The following ACSS3 variants were observed in gnomAD, a reference collection of about 807,000 sequenced individuals.
The protein encoded by ACSS3 is acyl-CoA synthetase short chain family member 3, also known as acyl-CoA synthetase short-chain family member 3, mitochondrial.
In ACSS3, 64 loss-of-function variants were observed where a neutral mutation model predicts 84.2. That is an observed-to-expected ratio of 0.76 (90% CI 0.62 to 0.94). The LOEUF is 0.94. Ranked by LOEUF, ACSS3 falls within the 40% of genes least tolerant of loss-of-function variation. The pLI is 0.00. For missense variants in ACSS3, 815 were observed against 867.6 expected (o/e 0.94, Z 0.76); for synonymous variants, 317 against 310.1 (o/e 1.02, Z -0.23).
intron 7 of ACSS3, among the ~76,000 whole-genome samples, chr12:81,153,325 T>G (rs1886705738): frequency 6.6e-6 from 1 of 151,600 alleles, no homozygotes; most frequent in Admixed American, 6.6e-5. Flanking sequence ...GGAGAATCAC[T>G]TGAACCTGGG....
rs186476087 is a variant in ACSS3, at chr12:81,186,896, A to G, written c.1250+11957A>G. Among the ~76,000 whole-genome samples the G allele has an allele frequency of 3.6e-3, 541 of 152,028 alleles. 2 individuals carry two copies. Among genetic ancestry groups the G allele is most frequent in the African/African-American group, 0.012 (507 of 41,550 alleles). ...GAAATGAAGTCACCACCTCATGAACATATTTGCATTCCCATGTTCATTGTG... is the reference window on the plus strand; with the variant it reads ...GAAATGAAGTCACCACCTCATGAACGTATTTGCATTCCCATGTTCATTGTG... On this transcript the variant is annotated intron_variant, in intron 8 of 15. Transcript: ENST00000548058.
chr12:81,134,392 A>C (rs1409545663), intron 2 of ACSS3, among the ~76,000 whole-genome samples: 1 of 152,138 alleles, frequency 6.6e-6, no homozygotes, highest in Non-Finnish European at 1.5e-5. Context: ...CCCAACATCT[A>C]TCTAAATTTG....
intron 9 of ACSS3, among the ~76,000 whole-genome samples, chr12:81,206,512 T>A (rs2032354185): frequency 6.6e-6 from 1 of 152,112 alleles, no homozygotes; most frequent in Non-Finnish European, 1.5e-5. Flanking sequence ...GAAAAGATAT[T>A]TTTTGGTAAA....
intron 9 of ACSS3, among the ~76,000 whole-genome samples, chr12:81,213,732 G>A (rs974169545): frequency 1.1e-5 from 1 of 91,480 alleles, no homozygotes; most frequent in Non-Finnish European, 2.2e-5. Context: ...GCTCCCCTCC[G>A]CTCCCCTCCG....
chr12:81,252,628 G>A (rs1457196079), intron 13 of ACSS3, among the ~76,000 whole-genome samples: 1 of 151,876 alleles, frequency 6.6e-6, no homozygotes, highest in Non-Finnish European at 1.5e-5. Flanking sequence ...TTAACCCTAA[G>A]CGTCTGTATT....
chr12:81,186,878 A>G (rs2031292698), intron 8 of ACSS3, among the ~76,000 whole-genome samples: 1 of 151,894 alleles, frequency 6.6e-6, no homozygotes, highest in Admixed American at 6.6e-5. Context: ...AAGGAAATGA[A>G]GTCACCACCT....
chr12:81,254,835 C>T (rs771147252), intron 15 of ACSS3, 22 bp from the exon 16 acceptor site: 5 of 1,588,448 alleles, frequency 3.1e-6, no homozygotes, highest in Admixed American at 3.5e-5. Context: ...GAGTATTCAC[C>T]TGACCCTAAT....
chr12:81,227,454 A>G (rs1296717683), intron 11 of ACSS3, among the ~76,000 whole-genome samples: 1 of 151,670 alleles, frequency 6.6e-6, no homozygotes, highest in Non-Finnish European at 1.5e-5. Context: ...GACCATTTAT[A>G]CTTGTGCACT....
intron 1 of ACSS3, among the ~76,000 whole-genome samples, chr12:81,079,929 C>G (rs527439046): frequency 7.9e-5 from 12 of 152,164 alleles, no homozygotes; most frequent in Admixed American, 2.0e-4. Context: ...GAATAGCTCT[C>G]TTTGTATTCT....
At chr12:81,202,249 A>G (rs1408082102) in intron 9 of ACSS3, among the ~76,000 whole-genome samples, 1 of 152,098 alleles carries the variant, frequency 6.6e-6, no homozygotes, top group Non-Finnish European at 1.5e-5. Flanking sequence ...ACTGCACTCC[A>G]GCCTGGGTGA....
intron 1 of ACSS3, among the ~76,000 whole-genome samples, chr12:81,089,701 A>C (rs1321240156): frequency 3.3e-5 from 5 of 151,986 alleles, no homozygotes; most frequent in African/African-American, 1.2e-4. Flanking sequence ...CAATAATGAT[A>C]ATGGTGATAG....
At chr12:81,129,826 C>T (rs1011264888) in intron 2 of ACSS3, among the ~76,000 whole-genome samples, 4 of 135,566 alleles carry the variant, frequency 3.0e-5, no homozygotes, top group Non-Finnish European at 3.1e-5. Context: ...CGCCCTGTGT[C>T]CAAGTGTTCT....
rs540472652 is a variant in ACSS3 at position 81,166,966 on chromosome 12, G to A, written c.1099-7822G>A. On this transcript the variant is annotated intron_variant, in intron 7 of 15. Coordinates refer to ENST00000548058, the MANE Select transcript of ACSS3 (RefSeq NM_024560.4). ...AGAAAAACCTTAATTTGTCCCTCCA[G>A]TACAGGATGGCAGAGTGACTGCACA... Among the ~76,000 whole-genome samples the A allele has an allele frequency of 5.3e-5, 8 of 152,342 alleles. No homozygotes were observed. The South Asian group carries it at 1.0e-3, about 20-fold the overall frequency.
intron 2 of ACSS3, among the ~76,000 whole-genome samples, chr12:81,115,014 T>A (rs1883918886): frequency 6.6e-6 from 1 of 152,150 alleles, no homozygotes; most frequent in Admixed American, 6.6e-5. Flanking sequence ...CTCTTTTGTG[T>A]CAGGATTTTT....
chr12:81,241,393 T>C (rs1424280701), intron 13 of ACSS3, among the ~76,000 whole-genome samples: 3 of 152,114 alleles, frequency 2.0e-5, no homozygotes, highest in African/African-American at 7.2e-5. Context: ...TAGTTCTAGA[T>C]CCCTGAGGAA....
At position 81,254,976 on chromosome 12, in the gene ACSS3, A is replaced by G. The variant is rs572738727; in HGVS notation, c.*54A>G. On this transcript the variant is annotated 3_prime_UTR_variant, in exon 16 of 16. Transcript: ENST00000548058. ...GATTTAATTTCTTAATTGAAATTAA[A>G]TTATTTGAGTTGTTTCTCAGAAATA... 174 of 1,381,102 alleles carry G rather than the reference A, an allele frequency of 1.3e-4. No homozygotes were observed. Among genetic ancestry groups the G allele is most frequent in the Non-Finnish European group, 1.7e-4 (169 of 1,008,596 alleles). 85.6% of individuals were successfully genotyped at this position (1,381,102 alleles called of 1,614,324 possible).
intron 1 of ACSS3, among the ~76,000 whole-genome samples, chr12:81,104,497 C>T (rs913471381): frequency 6.6e-6 from 1 of 151,996 alleles, no homozygotes; most frequent in Non-Finnish European, 1.5e-5. Flanking sequence ...GACATTGCCT[C>T]CTCCCTTGGT....
At chr12:81,216,435 G>A (rs2032919004) in intron 9 of ACSS3, among the ~76,000 whole-genome samples, 1 of 151,932 alleles carries the variant, frequency 6.6e-6, no homozygotes, top group African/African-American at 2.4e-5. Context: ...AAAATCTTTG[G>A]GTTACTTATT....
intron 5 of ACSS3, among the ~76,000 whole-genome samples, chr12:81,145,225 T>A (rs1192258930): frequency 6.6e-6 from 1 of 151,974 alleles, no homozygotes; most frequent in African/African-American, 2.4e-5. Flanking sequence ...CCAGGTTTTC[T>A]CTGAGAGGTT....
Sources: gnomAD v4.1 joint callset for allele counts (sites outside exome capture counted in the v4.1 genomes callset) on GRCh38, gnomAD v4.1.1 for gene constraint, MANE v1.5 for transcripts, NCBI Gene and HGNC (gene_info 2026-07-23, HGNC 2026-07-21) for gene names.